The following LPIN1 variants were observed in gnomAD, a reference collection of about 807,000 sequenced individuals.
The protein encoded by LPIN1 is lipin 1.
In LPIN1, 71 loss-of-function variants were observed where a neutral mutation model predicts 107.5. The ratio of observed to expected loss-of-function variants is 0.66; its 90% CI spans 0.55 to 0.80. The LOEUF is 0.80. LPIN1 is among the 30% of genes least tolerant of loss of function. The probability of loss-of-function intolerance (pLI) is 0.00; values close to 1 mark genes in which losing one functional copy is unlikely to be tolerated. For synonymous variants in LPIN1, 445 were observed against 452.6 expected (o/e 0.98, Z 0.21); for missense variants, 1,043 against 1,160.6 (o/e 0.90, Z 1.47).
At chr2:11,821,629 T>C (rs1486266866) in intron 20 of LPIN1, among the ~76,000 whole-genome samples, 1 of 152,196 alleles carries the variant, frequency 6.6e-6, no homozygotes, top group Non-Finnish European at 1.5e-5. Flanking sequence ...TAAGGATTGG[T>C]TTTCTCCATG....
intron 12 of LPIN1, among the ~76,000 whole-genome samples, chr2:11,789,257 C>T (rs750127491): frequency 6.6e-5 from 10 of 152,068 alleles, no homozygotes; most frequent in Non-Finnish European, 1.3e-4. Flanking sequence ...AGGCTTGCTG[C>T]TTCCTGGGTT....
intron 1 of LPIN1, among the ~76,000 whole-genome samples, chr2:11,708,463 G>A (rs1350176757): frequency 6.6e-6 from 1 of 152,156 alleles, no homozygotes; most frequent in Non-Finnish European, 1.5e-5. Context: ...TCCCGGGAGT[G>A]GAGAGTGAGG....
At chr2:11,793,816 TC>T (rs1676203767) in intron 13 of LPIN1, among the ~76,000 whole-genome samples, 1 of 152,224 alleles carries the variant, frequency 6.6e-6, no homozygotes, top group African/African-American at 2.4e-5. Context: ...GATGAACCTC[TC>T]CTTTCTGTCT....
intron 1 of LPIN1, among the ~76,000 whole-genome samples, chr2:11,759,482 G>A (rs1285886513): frequency 6.6e-6 from 1 of 151,952 alleles, no homozygotes; most frequent in African/African-American, 2.4e-5. Flanking sequence ...CATGTTTCAT[G>A]GAGCACCGGG....
upstream of LPIN1, chr2:11,746,631 G>A (rs1558787822): frequency 6.1e-6 from 6 of 985,412 alleles, no homozygotes; most frequent in Non-Finnish European, 7.2e-6. Context: ...CGGCGGGCTG[G>A]GTGTTTGCAA....
chr2:11,681,767 G>A (rs1661725705), intron 1 of LPIN1, among the ~76,000 whole-genome samples: 1 of 152,282 alleles, frequency 6.6e-6, no homozygotes, highest in South Asian at 2.1e-4. Flanking sequence ...GTCCATGTAG[G>A]CTTGGGGGTT....
At chr2:11,689,870 A>C (rs980408800) in intron 1 of LPIN1, among the ~76,000 whole-genome samples, 1 of 152,234 alleles carries the variant, frequency 6.6e-6, no homozygotes, top group Non-Finnish European at 1.5e-5. Context: ...GTGCCATTGC[A>C]CTCCAGTCTG....
At chr2:11,744,860 T>C (rs1487901663), upstream of LPIN1, among the ~76,000 whole-genome samples, 1 of 152,080 alleles carries the variant, frequency 6.6e-6, no homozygotes, top group African/African-American at 2.4e-5. Flanking sequence ...CCTGTGGAGG[T>C]AGCTCACCTA....
chr2:11,692,174 C>T (rs1662303927), intron 1 of LPIN1, among the ~76,000 whole-genome samples: 1 of 152,226 alleles, frequency 6.6e-6, no homozygotes, highest in African/African-American at 2.4e-5. Context: ...TAAGGAAATG[C>T]TGGCATATGT....
intron 20 of LPIN1, 85 bp downstream of exon 20, chr2:11,820,599 C>T (rs1179730851): frequency 2.2e-6 from 2 of 902,542 alleles, no homozygotes; most frequent in Non-Finnish European, 3.7e-6. Context: ...TGTACCTTTT[C>T]CCCTTTGCTG....
At chr2:11,775,626 G>A (rs2148642905) in intron 5 of LPIN1, among the ~76,000 whole-genome samples, 1 of 152,182 alleles carries the variant, frequency 6.6e-6, no homozygotes, top group Non-Finnish European at 1.5e-5. Context: ...AAGCACGAAA[G>A]TGTGACCAGA....
intron 18 of LPIN1, chr2:11,819,126 C>T (rs1681102129): frequency 3.8e-6 from 1 of 260,148 alleles, no homozygotes; most frequent in Non-Finnish European, 7.5e-6. Context: ...GATTGGTCCA[C>T]ACTTTGCCCA....
At chr2:11,810,601 C>T (rs1488879784) in intron 17 of LPIN1, among the ~76,000 whole-genome samples, 1 of 152,144 alleles carries the variant, frequency 6.6e-6, no homozygotes, top group Non-Finnish European at 1.5e-5. Context: ...GCAGATGGGG[C>T]CACAGAGTCC....
At chr2:11,791,306 A>C (rs575410631) in intron 12 of LPIN1, among the ~76,000 whole-genome samples, 1 of 152,356 alleles carries the variant, frequency 6.6e-6, no homozygotes, top group East Asian at 1.9e-4. Flanking sequence ...CAAGATAGAT[A>C]GGTATTTTGT....
intron 1 of LPIN1, among the ~76,000 whole-genome samples, chr2:11,761,408 C>G (rs889694827): frequency 2.0e-5 from 3 of 152,180 alleles, no homozygotes; most frequent in Non-Finnish European, 4.4e-5. Context: ...CAAGGGGGAG[C>G]TGGGCTCTGG....
chr2:11,766,193 G>T (rs1195607860), intron 2 of LPIN1, among the ~76,000 whole-genome samples: 3 of 152,250 alleles, frequency 2.0e-5, no homozygotes, highest in Admixed American at 6.5e-5. Context: ...GTGGTGAGGT[G>T]AGCATCTTGA....
At position 11,825,071 on chromosome 2, in the gene LPIN1, C is replaced by T. The variant is rs1358812774; in HGVS notation, c.*280C>T. On this transcript the variant is annotated 3_prime_UTR_variant, in exon 21 of 21. Coordinates refer to ENST00000674199, the MANE Select transcript of LPIN1 (RefSeq NM_001349206.2). The surrounding 1 kb of genome is among the most constrained non-coding windows in gnomAD (Gnocchi z 4.1). ...TAATGCCAGTTACGACGCTGCCTTTCCGGCCTGCTCCAGCAAGTAGCTACT... is the reference window on the plus strand; with the variant it reads ...TAATGCCAGTTACGACGCTGCCTTTTCGGCCTGCTCCAGCAAGTAGCTACT... 2 of 464,826 alleles carry T rather than the reference C, an allele frequency of 4.3e-6. No homozygotes were observed. The highest frequency in any genetic ancestry group is 3.9e-5 in the African/African-American group (2 of 51,032). The allele number at this position is 464,826 out of a possible 1,614,324, so 28.8% of individuals were successfully genotyped here.
At chr2:11,682,882 C>T (rs1467063008) in intron 1 of LPIN1, 3 of 152,236 alleles carry the variant, frequency 2.0e-5, no homozygotes, top group Non-Finnish European at 4.4e-5. Flanking sequence ...TATGCACCCT[C>T]TTTTGCTGTC....
At chr2:11,689,542 T>C (rs183039188) in intron 1 of LPIN1, among the ~76,000 whole-genome samples, 161 of 152,370 alleles carry the variant, frequency 1.1e-3, no homozygotes, top group African/African-American at 3.8e-3. Flanking sequence ...CTCTTTTCTG[T>C]TTTTGCTCAG....
Sources: allele counts gnomAD v4.1 joint callset (sites outside exome capture counted in the v4.1 genomes callset), GRCh38; gene constraint gnomAD v4.1.1; non-coding constraint Gnocchi (gnomAD v3.1); transcripts MANE v1.5; gene names NCBI Gene and HGNC (gene_info 2026-07-23, HGNC 2026-07-21).